CCM2L: variants seen among roughly 807,000 people sequenced by gnomAD.
CCM2L encodes cerebral cavernous malformations 2 protein-like.
In CCM2L, 36 loss-of-function variants were observed where a neutral mutation model predicts 54.1. That is an observed-to-expected ratio of 0.67 (90% CI 0.51 to 0.88). The LOEUF (loss-of-function observed/expected upper bound fraction) is 0.88, where lower values mean the gene tolerates loss of function less well. CCM2L is among the 40% of genes least tolerant of loss of function. The pLI is 0.00. For synonymous variants in CCM2L, 351 were observed against 359.3 expected (o/e 0.98, Z 0.26); for missense variants, 700 against 812.1 (o/e 0.86, Z 1.68).
At position 32,019,201 on chromosome 20, in the gene CCM2L, C is replaced by T; in HGVS notation, c.725C>T (p.Thr242Met). 3 of 1,134,872 alleles carry T rather than the reference C, an allele frequency of 2.6e-6. No homozygotes were observed. Among genetic ancestry groups the T allele is most frequent in the South Asian group, 4.3e-5 (1 of 23,040 alleles). The allele number at this position is 1,134,872 out of a possible 1,614,324, so 70.3% of individuals were successfully genotyped here. Residue 242 changes from threonine to methionine, a missense_variant, in exon 5 of 10, where the codon ACG (threonine) becomes ATG (methionine). Transcript: ENST00000452892. ...TCGGGCAGCTGGGAGCGACGGCAGA[C>T]GTTCAGCGGCAGCTGGGAGCGGCGG... is the stretch of plus-strand genomic sequence containing the variant. ...RASGSWERRQ[T>M]FSGSWERRHG...
At chr20:32,018,883 G>C in intron 4 of CCM2L, 60 bp from the exon 5 acceptor site, 1 of 1,244,312 alleles carries the variant, frequency 8.0e-7, no homozygotes, top group African/African-American at 1.6e-5. Flanking sequence ...CGGCCTCGGC[G>C]GGGCGGGGGG....
rs1247879366 is a variant in CCM2L at position 32,028,386 on chromosome 20, A to T, written c.1134-609A>T. 2.6e-5 allele frequency: 4 copies of T among 150,998 alleles called. No individual in the cohort carries two copies. In the Admixed American group the frequency reaches 2.7e-4, roughly 10 times the overall value. The allele number at this position is 150,998 out of a possible 1,614,324, so 9.4% of individuals were successfully genotyped here. On this transcript the variant is annotated intron_variant, in intron 7 of 9. Transcript: ENST00000452892. ...GAGGCGGAGGCTGCAGTGAGCCAAG[A>T]CCGCACCACTGCACTCCAGCCTCAG... is the stretch of plus-strand genomic sequence containing the variant.
intron 6 of CCM2L, among the ~76,000 whole-genome samples, chr20:32,023,735 G>GTTGT (rs1555868512): frequency 6.6e-5 from 10 of 152,126 alleles, no homozygotes; most frequent in Admixed American, 3.9e-4. Context: ...TGTTGTTGTT[G>GTTGT]TTGTTTGTTT....
chr20:32,026,392 A>G (rs1240363094), intron 7 of CCM2L, among the ~76,000 whole-genome samples: 1 of 152,086 alleles, frequency 6.6e-6, no homozygotes, highest in East Asian at 1.9e-4. Flanking sequence ...ACTTGCAGCC[A>G]TCCTCAAGGT....
intron 7 of CCM2L, chr20:32,027,621 G>T (rs1324831259): frequency 6.6e-6 from 1 of 152,238 alleles, no homozygotes; most frequent in Non-Finnish European, 1.5e-5. Context: ...CTAGTAAGTT[G>T]TAAGTATGGG....
chr20:32,018,810 C>T lies in CCM2L; in HGVS notation c.467-133C>T, dbSNP rs141969168. On this transcript the variant is annotated intron_variant, in intron 4 of 9. Transcript: ENST00000452892. ...GCGGAGTGGGCGGGGAACCGCCGCG[C>T]TACTTTAAAGCCGGGGGCGAGGCGG... 3.8e-3 allele frequency: 4,189 copies of T among 1,109,748 alleles called. 138 individuals carry two copies. In the African/African-American group the frequency reaches 0.062, roughly 16 times the overall value. The allele number at this position is 1,109,748 out of a possible 1,614,324, so 68.7% of individuals were successfully genotyped here. A position where few individuals can be genotyped will look rare whatever the true frequency, so the allele number is the denominator to read the frequency against.
chr20:32,031,775 G>A lies in CCM2L; in HGVS notation c.*461G>A, dbSNP rs555820205. 4.3e-5 allele frequency: 7 copies of A among 163,452 alleles called. No homozygotes were observed. In the South Asian group the frequency reaches 6.4e-4, roughly 15 times the overall value. 10.1% of individuals were successfully genotyped at this position (163,452 alleles called of 1,614,324 possible). On this transcript the variant is annotated 3_prime_UTR_variant, in exon 10 of 10. Coordinates refer to ENST00000452892, the MANE Select transcript of CCM2L (RefSeq NM_001365692.1). ...TTCAAGAAGAGAGGACGGGGCTTGA[G>A]GGAATCTCCTGATTCTCCTTATATG...
intron 6 of CCM2L, among the ~76,000 whole-genome samples, chr20:32,025,056 CTTCTTTCTTTCT>C (rs75583214): frequency 0.031 from 4,627 of 150,926 alleles, 163 homozygotes; most frequent in African/African-American, 0.087. Flanking sequence ...TCTCTTTCTT[CTTCTTTCTTTCT>C]TTCTTTCTTT....
Position 32,031,580 on chromosome 20 carries a change from T to A in CCM2L, c.*266T>A, listed in dbSNP as rs1260996686. 3.7e-6 allele frequency: 1 copy of A among 271,760 alleles called. No homozygotes were observed. The highest frequency in any genetic ancestry group is 7.2e-6 in the Non-Finnish European group (1 of 139,638). 16.8% of individuals were successfully genotyped at this position (271,760 alleles called of 1,614,324 possible). On this transcript the variant is annotated 3_prime_UTR_variant, in exon 10 of 10. Transcript: ENST00000452892. ...CCGGGCTGGGGCTGAGCAGCGATCC[T>A]GCTTTGTCCCAGAAGTCCAGAGGGA...
At chr20:32,026,921 G>A (rs938953608) in intron 7 of CCM2L, among the ~76,000 whole-genome samples, 5 of 151,318 alleles carry the variant, frequency 3.3e-5, no homozygotes, top group Non-Finnish European at 7.4e-5. Flanking sequence ...GGTGGCTCAC[G>A]CCTGTAATCC....
In CCM2L at chr20:32,031,569, A is replaced by C. The variant is rs2064930002; in HGVS notation, c.*255A>C. 1 of 282,282 alleles carries C rather than the reference A, an allele frequency of 3.5e-6. No homozygotes were observed. The highest frequency in any genetic ancestry group is 5.3e-5 in the Admixed American group (1 of 19,002). The allele number at this position is 282,282 out of a possible 1,614,324, so 17.5% of individuals were successfully genotyped here. On this transcript the variant is annotated 3_prime_UTR_variant, in exon 10 of 10. Transcript: ENST00000452892. ...GGGCCGCTCTGCCGGGCTGGGGCTG[A>C]GCAGCGATCCTGCTTTGTCCCAGAA...
intron 6 of CCM2L, among the ~76,000 whole-genome samples, chr20:32,024,867 A>T (rs1280348770): frequency 6.6e-6 from 1 of 152,236 alleles, no homozygotes; most frequent in African/African-American, 2.4e-5. Flanking sequence ...GGGAGAATGT[A>T]TAATGAGGAA....
chr20:32,019,315 G>T lies in CCM2L; in HGVS notation c.839G>T (p.Trp280Leu). ...RQAGSGGGGSWERRHPGPNPL... is the reference protein window; with the variant it reads ...RQAGSGGGGSLERRHPGPNPL... ...GCGGGCAGCGGCGGGGGAGGCAGCT[G>T]GGAGCGGCGCCACCCCGGCCCCAAC... Residue 280 changes from tryptophan (W) to leucine (L), a missense_variant, in exon 5 of 10, where the codon TGG (tryptophan) becomes TTG (leucine). By Grantham distance (61) the Trp-to-Leu change is moderately conservative. Transcript: ENST00000452892. 7.5e-7 allele frequency: 1 copy of T among 1,326,630 alleles called. No homozygotes were observed. Among genetic ancestry groups the T allele is most frequent in the East Asian group, 3.1e-5 (1 of 32,576 alleles). 82.2% of individuals were successfully genotyped at this position (1,326,630 alleles called of 1,614,324 possible). A position where few individuals can be genotyped will look rare whatever the true frequency, so the allele number is the denominator to read the frequency against.
chr20:32,022,896 C>T (rs1176272973), intron 6 of CCM2L, 101 bp downstream of exon 6: 1 of 1,280,674 alleles, frequency 7.8e-7, no homozygotes, highest in Non-Finnish European at 1.1e-6. Context: ...GTATTTAGGG[C>T]TCCTGATCTC....
At chr20:32,030,760 G>A (rs762779219) in intron 9 of CCM2L, among the ~76,000 whole-genome samples, 2 of 151,254 alleles carry the variant, frequency 1.3e-5, no homozygotes, top group Admixed American at 1.3e-4. Context: ...TCTTGAACCC[G>A]GGAGGCAGAG....
At position 32,019,244 on chromosome 20, in the gene CCM2L, C is replaced by A; in HGVS notation, c.768C>A (p.Gly256=). The A allele has an allele frequency of 8.5e-7, 1 of 1,183,114 alleles. No homozygotes were observed. Among genetic ancestry groups the A allele is most frequent in the East Asian group, 3.3e-5 (1 of 30,248 alleles). The allele number at this position is 1,183,114 out of a possible 1,614,324, so 73.3% of individuals were successfully genotyped here. The part of the protein sequence containing the change: ...SWERRHGGGG[G]GGGAGKPGGS... The stretch of plus-strand genomic sequence containing the variant: ...AGCGGCGGCACGGAGGCGGCGGCGG[C>A]GGCGGCGGCGCGGGAAAGCCGGGCG... The change falls in exon 5 of 10, where the codon GGC becomes GGA. Residue 256 remains glycine, a synonymous_variant. Transcript: ENST00000452892.
At chr20:32,013,787 G>C (rs1333257433) in intron 1 of CCM2L, among the ~76,000 whole-genome samples, 3 of 152,140 alleles carry the variant, frequency 2.0e-5, no homozygotes, top group African/African-American at 7.2e-5. Flanking sequence ...AGGGCTGGGA[G>C]CGACTGCTCT....
In CCM2L at chr20:32,017,965, G is replaced by T; in HGVS notation, c.283-14G>T. 6.2e-7 allele frequency: 1 copy of T among 1,613,296 alleles called. No homozygotes were observed. The highest frequency in any genetic ancestry group is 8.5e-7 in the Non-Finnish European group (1 of 1,179,850). ...TGCGGACCTCGGGAACTCGAGATCT[G>T]CCCCTCCCTGCAGCAGCTGAAGGAG... On this transcript the variant is annotated splice_polypyrimidine_tract_variant and intron_variant, in intron 3 of 9. Transcript: ENST00000452892.
rs541586241 is a variant in CCM2L at position 32,022,742 on chromosome 20, G to A, written c.1016G>A (p.Arg339Gln). 16 of 1,613,708 alleles carry A rather than the reference G, an allele frequency of 9.9e-6. No homozygotes were observed. In the African/African-American group the frequency reaches 1.5e-4, roughly 15 times the overall value. ...YGDQSIECVD[R>Q]AGYHYTSTPE... ...GACCAGAGTATTGAGTGTGTGGACC[G>A]GGCTGGCTACCACTACACATCCACA... is the stretch of plus-strand genomic sequence containing the variant. The change falls in exon 6 of 10, where the codon CGG becomes CAG. Residue 339 changes from arginine (R) to glutamine (Q), a missense_variant. Coordinates refer to ENST00000452892, the MANE Select transcript of CCM2L (RefSeq NM_001365692.1).
Sources: allele counts gnomAD v4.1 joint callset (sites outside exome capture counted in the v4.1 genomes callset), GRCh38; gene constraint gnomAD v4.1.1; transcripts MANE v1.5; gene names NCBI Gene and HGNC (gene_info 2026-07-23, HGNC 2026-07-21).